Variants in BACH2 observed in about 807,000 individuals in gnomAD.
The protein encoded by BACH2 is BACH transcriptional regulator 2.
Under a neutral mutation model 61.8 loss-of-function variants are expected in BACH2, and 5 were observed. That is an observed-to-expected ratio of 0.08 (90% CI 0.04 to 0.17). BACH2 has a LOEUF of 0.17. Ranked by LOEUF, BACH2 falls within the 10% of genes least tolerant of loss-of-function variation. The probability of loss-of-function intolerance (pLI) is 1.00; values close to 1 mark genes in which losing one functional copy is unlikely to be tolerated. For missense variants in BACH2, 824 were observed against 1,091.1 expected (o/e 0.76, Z 3.45); for synonymous variants, 446 against 440.1 (o/e 1.01, Z -0.17).
chr6:90,208,802 C>T (rs1018780905), intron 3 of BACH2, among the ~76,000 whole-genome samples: 1 of 152,076 alleles, frequency 6.6e-6, no homozygotes, highest in Admixed American at 6.6e-5. Flanking sequence ...TAGAACCAAC[C>T]CAAATGCCCA....
At chr6:90,152,268 C>T (rs1784850060) in intron 4 of BACH2, among the ~76,000 whole-genome samples, 1 of 152,248 alleles carries the variant, frequency 6.6e-6, no homozygotes, top group African/African-American at 2.4e-5. Context: ...TGTAGTGCTA[C>T]ACTGGCTGCA....
chr6:89,985,335 T>A (rs1582142755), intron 6 of BACH2, among the ~76,000 whole-genome samples: 1 of 151,510 alleles, frequency 6.6e-6, no homozygotes, highest in Non-Finnish European at 1.5e-5. Flanking sequence ...CTGGTGGGAG[T>A]CTGGGTTTTG....
In BACH2 at chr6:90,084,012, C is replaced by T. The variant is rs1046725540; in HGVS notation, c.-13+4949G>A. Among the ~76,000 whole-genome samples, 20 of 152,016 alleles carry T rather than the reference C, an allele frequency of 1.3e-4. 1 individual carries two copies. The highest frequency in any genetic ancestry group is 4.6e-4 in the African/African-American group (19 of 41,394). On this transcript the variant is annotated intron_variant, in intron 5 of 8. Transcript: ENST00000257749. ...CTACAAGTATCCTCCAGGGTTTACA[C>T]CCCACCTTTACTCAAAACCAAAGCT... is the stretch of plus-strand genomic sequence containing the variant.
intron 4 of BACH2, among the ~76,000 whole-genome samples, chr6:90,120,836 A>G (rs1783593049): frequency 6.6e-6 from 1 of 152,252 alleles, no homozygotes; most frequent in Non-Finnish European, 1.5e-5. Context: ...CTCTCTCTGC[A>G]TAAACTGTTA....
intron 4 of BACH2, among the ~76,000 whole-genome samples, chr6:90,159,229 T>C (rs992254102): frequency 6.6e-6 from 1 of 152,198 alleles, no homozygotes; most frequent in African/African-American, 2.4e-5. Flanking sequence ...GCACGGACCA[T>C]GGCAAATCAG....
At chr6:90,181,775 A>C (rs1768174873) in intron 4 of BACH2, among the ~76,000 whole-genome samples, 1 of 152,058 alleles carries the variant, frequency 6.6e-6, no homozygotes, top group South Asian at 2.1e-4. Context: ...GATTGTAGAC[A>C]CAGTCTCACT....
intron 4 of BACH2, among the ~76,000 whole-genome samples, chr6:90,089,962 A>G (rs1359760206): frequency 6.6e-6 from 1 of 152,208 alleles, no homozygotes; most frequent in East Asian, 1.9e-4. Flanking sequence ...TTTTCCTACC[A>G]AAGAAGTTAC....
At chr6:90,295,059 G>A (rs907404310) in intron 1 of BACH2, among the ~76,000 whole-genome samples, 1 of 152,320 alleles carries the variant, frequency 6.6e-6, no homozygotes, top group African/African-American at 2.4e-5. Flanking sequence ...ACTAGACAGC[G>A]AAGGTGAAAA....
intron 3 of BACH2, among the ~76,000 whole-genome samples, chr6:90,239,119 G>A (rs1440265182): frequency 1.3e-5 from 2 of 152,182 alleles, no homozygotes; most frequent in Admixed American, 1.3e-4. Context: ...ATGCTAAAAT[G>A]ATACTTGAAT....
At chr6:90,216,742 G>C (rs1210262387) in intron 3 of BACH2, among the ~76,000 whole-genome samples, 1 of 152,208 alleles carries the variant, frequency 6.6e-6, no homozygotes, top group Non-Finnish European at 1.5e-5. Flanking sequence ...ATGTGGAGCA[G>C]AAGTTCTGAA....
intron 4 of BACH2, among the ~76,000 whole-genome samples, chr6:90,124,090 GTT>G (rs1310226299): frequency 6.6e-6 from 1 of 152,160 alleles, no homozygotes; most frequent in Non-Finnish European, 1.5e-5. Flanking sequence ...GAGAATCCAT[GTT>G]TTTCAAAGTC....
chr6:90,125,854 G>A (rs931149094), intron 4 of BACH2, among the ~76,000 whole-genome samples: 2 of 152,154 alleles, frequency 1.3e-5, no homozygotes, highest in African/African-American at 2.4e-5. Flanking sequence ...ATAAGACAAC[G>A]CCAAATGGGT....
At chr6:89,964,826 T>C (rs1336955630) in intron 6 of BACH2, among the ~76,000 whole-genome samples, 2 of 152,202 alleles carry the variant, frequency 1.3e-5, no homozygotes, top group Admixed American at 6.5e-5. Flanking sequence ...TCTAATCTCC[T>C]AGTGCTCTTC....
At chr6:90,011,069 G>C (rs972508250) in intron 5 of BACH2, among the ~76,000 whole-genome samples, 5 of 152,134 alleles carry the variant, frequency 3.3e-5, no homozygotes, top group African/African-American at 4.8e-5. Flanking sequence ...TCAAGGAACA[G>C]AAAGTCTTTA....
chr6:89,995,005 C>T (rs1342952680), intron 6 of BACH2, among the ~76,000 whole-genome samples: 1 of 152,268 alleles, frequency 6.6e-6, no homozygotes, highest in Admixed American at 6.5e-5. Flanking sequence ...TTTTTCTGAT[C>T]ATCACCTTTC....
intron 4 of BACH2, among the ~76,000 whole-genome samples, chr6:90,147,374 C>T (rs1465014162): frequency 2.0e-5 from 3 of 152,178 alleles, no homozygotes; most frequent in Admixed American, 6.5e-5. Flanking sequence ...AATTATCTCA[C>T]GTTTTTCTCT....
At chr6:90,279,521 T>TAAAA (rs1771793882) in intron 1 of BACH2, among the ~76,000 whole-genome samples, 1 of 40,284 alleles carries the variant, frequency 2.5e-5, no homozygotes, top group African/African-American at 2.0e-4. Context: ...AGACTCCGTC[T>TAAAA]CAAAAAAAAA....
chr6:90,156,926 G>A (rs932296249), intron 4 of BACH2, among the ~76,000 whole-genome samples: 2 of 152,220 alleles, frequency 1.3e-5, no homozygotes, highest in African/African-American at 4.8e-5. Context: ...CATCCAGAGA[G>A]AAGAAGGGAT....
At chr6:90,164,292 G>A (rs1195598896) in intron 4 of BACH2, among the ~76,000 whole-genome samples, 5 of 152,094 alleles carry the variant, frequency 3.3e-5, no homozygotes, top group East Asian at 1.9e-4. Flanking sequence ...ACATCTCTAC[G>A]CAAAAAACTT....
Sources: allele counts gnomAD v4.1 joint callset (sites outside exome capture counted in the v4.1 genomes callset), GRCh38; gene constraint gnomAD v4.1.1; transcripts MANE v1.5; gene names NCBI Gene and HGNC (gene_info 2026-07-23, HGNC 2026-07-21).